DGKB: variants seen among roughly 807,000 people sequenced by gnomAD.
DGKB encodes 90 kDa diacylglycerol kinase.
A neutral mutation model predicts 114.3 loss-of-function variants in DGKB; 67 were observed. The observed-to-expected ratio is 0.59, with a 90% CI of 0.48 to 0.72. DGKB has a LOEUF of 0.72. Among genes scored for constraint, DGKB ranks in the 30% least tolerant of loss-of-function variants. The probability of loss-of-function intolerance (pLI) is 0.00; values close to 1 mark genes in which losing one functional copy is unlikely to be tolerated. For missense variants in DGKB, 907 were observed against 975.2 expected, an observed-to-expected ratio of 0.93 and a Z score of 0.93; for synonymous variants, 398 against 323.1, an observed-to-expected ratio of 1.23 and a Z score of -2.49.
At chr7:14,467,182 AATT>A (rs1780604817) in intron 21 of DGKB, among the ~76,000 whole-genome samples, 1 of 149,400 alleles carries the variant, frequency 6.7e-6, no homozygotes, top group African/African-American at 2.4e-5. Flanking sequence ...TTATTTATAT[AATT>A]ATTTTATTAC....
At chr7:14,187,841 C>T (rs1783675567) in intron 23 of DGKB, among the ~76,000 whole-genome samples, 2 of 152,014 alleles carry the variant, frequency 1.3e-5, no homozygotes, top group South Asian at 2.1e-4. Context: ...TCTCCAGTAA[C>T]AGACTCCCAA....
At chr7:14,245,473 T>C (rs1465130340) in intron 23 of DGKB, among the ~76,000 whole-genome samples, 1 of 152,172 alleles carries the variant, frequency 6.6e-6, no homozygotes, top group Non-Finnish European at 1.5e-5. Context: ...AGGTAGATTC[T>C]AGCCAAGAGG....
chr7:14,839,821 A>ATTTTTTTT lies in DGKB; in HGVS notation c.70+1372_70+1373insAAAAAAAA, dbSNP rs763491314. On this transcript the variant is annotated intron_variant, in intron 2 of 25. Transcript: ENST00000402815. The stretch of plus-strand genomic sequence containing the variant: ...ATTATTATTGACTCAGTCAATAGTC[A>ATTTTTTTT]TAGACTTTTTTTAGTTTTTTAAAAT... Among the ~76,000 whole-genome samples, 657 of 152,218 alleles carry ATTTTTTTT rather than the reference A, an allele frequency of 4.3e-3. 4 individuals carry two copies. Among genetic ancestry groups the ATTTTTTTT allele is most frequent in the Non-Finnish European group, 6.2e-3 (420 of 68,010 alleles).
In DGKB at chr7:14,496,513, A is replaced by G. The variant is rs543285306; in HGVS notation, c.1771-18288T>C. 2.0e-5 allele frequency among the ~76,000 whole-genome samples: 3 copies of G among 150,716 alleles called. No homozygotes were observed. In the East Asian group the frequency reaches 6.4e-4, roughly 32 times the overall value. ...CAAAAGCAACATTTTCATCAAAATA[A>G]CCTGCAAAGTCATTTTCAGAATATT... On this transcript the variant is annotated intron_variant, in intron 20 of 25. Coordinates refer to ENST00000402815, the MANE Select transcript of DGKB (RefSeq NM_001350709.2).
At chr7:14,293,875 C>G (rs547332357) in intron 23 of DGKB, among the ~76,000 whole-genome samples, 2 of 152,278 alleles carry the variant, frequency 1.3e-5, no homozygotes, top group East Asian at 3.9e-4. Context: ...TTTGTACAGT[C>G]TGATTTTCTT....
At chr7:14,278,626 G>C (rs1799387264) in intron 23 of DGKB, among the ~76,000 whole-genome samples, 1 of 152,132 alleles carries the variant, frequency 6.6e-6, no homozygotes, top group Non-Finnish European at 1.5e-5. Context: ...TCAACAAAAA[G>C]TAGACAAATG....
Position 14,497,221 on chromosome 7 carries a change from A to C in DGKB, c.1771-18996T>G, listed in dbSNP as rs566453675. ...AGAAAGGGGGAAAAGGAATGAAAAA[A>C]TGCCTATTGCATATGATGTAAACTA... On this transcript the variant is annotated intron_variant, in intron 20 of 25. Coordinates refer to ENST00000402815, the MANE Select transcript of DGKB (RefSeq NM_001350709.2). Among the ~76,000 whole-genome samples the C allele has an allele frequency of 7.8e-4, 118 of 151,868 alleles. 3 individuals carry two copies. Among genetic ancestry groups the C allele is most frequent in the Non-Finnish European group, 8.0e-4 (54 of 67,798 alleles).
intron 2 of DGKB, among the ~76,000 whole-genome samples, chr7:14,834,628 T>C (rs1477680209): frequency 6.6e-6 from 1 of 152,126 alleles, no homozygotes; most frequent in Non-Finnish European, 1.5e-5. Flanking sequence ...GTAGACAATG[T>C]GAGATGAAAC....
intron 6 of DGKB, among the ~76,000 whole-genome samples, chr7:14,712,693 G>C (rs1039251151): frequency 6.6e-6 from 1 of 151,104 alleles, no homozygotes; most frequent in Admixed American, 6.6e-5. Context: ...TAAATAAATA[G>C]AAAGAAAAAT....
intron 9 of DGKB, 64 bp downstream of exon 9, chr7:14,694,011 A>T: frequency 6.6e-7 from 1 of 1,521,622 alleles, no homozygotes; most frequent in Non-Finnish European, 8.8e-7. Flanking sequence ...TCTGTAATCA[A>T]AATGTGTAAT....
intron 17 of DGKB, among the ~76,000 whole-genome samples, chr7:14,593,125 G>C (rs1466635561): frequency 6.6e-6 from 1 of 151,778 alleles, no homozygotes; most frequent in Non-Finnish European, 1.5e-5. Context: ...ATATTCCAGT[G>C]GGCCATTAAT....
At chr7:14,805,162 T>A (rs1842643013) in intron 2 of DGKB, among the ~76,000 whole-genome samples, 1 of 152,102 alleles carries the variant, frequency 6.6e-6, no homozygotes, top group African/African-American at 2.4e-5. Context: ...ACAAAATTTA[T>A]GTTAGTGAAT....
chr7:14,570,137 T>G (rs1051048035), intron 20 of DGKB, among the ~76,000 whole-genome samples: 2 of 151,410 alleles, frequency 1.3e-5, no homozygotes, highest in Non-Finnish European at 3.0e-5. Flanking sequence ...TATTACTTTT[T>G]TAAATTTTTT....
chr7:14,794,539 C>T (rs1207621726), intron 2 of DGKB, among the ~76,000 whole-genome samples: 2 of 152,074 alleles, frequency 1.3e-5, no homozygotes, highest in Admixed American at 1.3e-4. Context: ...GATTTGAATT[C>T]CCAGCTCAAG....
At chr7:14,171,598 G>C (rs1781006242) in intron 25 of DGKB, among the ~76,000 whole-genome samples, 1 of 152,124 alleles carries the variant, frequency 6.6e-6, no homozygotes, top group Non-Finnish European at 1.5e-5. Context: ...TAAATCTTTT[G>C]AGATTGAGAA....
Position 14,320,892 on chromosome 7 carries a change from A to G in DGKB, c.2122+17623T>C, listed in dbSNP as rs1169330460. On this transcript the variant is annotated intron_variant, in intron 23 of 25. Transcript: ENST00000402815. ...GACCATTCTCATGAACATAGATGCA[A>G]AATTTTAAATGTAATATTAATAAAT... Among the ~76,000 whole-genome samples, 3 of 152,152 alleles carry G rather than the reference A, an allele frequency of 2.0e-5. No individual in the cohort carries two copies. The East Asian group carries it at 5.8e-4, about 29-fold the overall frequency.
intron 20 of DGKB, among the ~76,000 whole-genome samples, chr7:14,515,637 A>G (rs181055074): frequency 1.9e-4 from 29 of 152,356 alleles, no homozygotes; most frequent in Admixed American, 5.9e-4. Context: ...TAAGTGTTCA[A>G]TACCAAAGTA....
chr7:14,272,142 T>A (rs1375975158), intron 23 of DGKB, among the ~76,000 whole-genome samples: 1 of 152,232 alleles, frequency 6.6e-6, no homozygotes, highest in African/African-American at 2.4e-5. Context: ...CACTTCATGC[T>A]AACCAACTGT....
At chr7:14,850,280 G>C (rs1586904510) in intron 1 of DGKB, among the ~76,000 whole-genome samples, 1 of 152,180 alleles carries the variant, frequency 6.6e-6, no homozygotes, top group African/African-American at 2.4e-5. Context: ...TGGAGAGTAT[G>C]ATTGTGAGAA....
Sources: gnomAD v4.1 joint callset for allele counts (sites outside exome capture counted in the v4.1 genomes callset) on GRCh38, gnomAD v4.1.1 for gene constraint, MANE v1.5 for transcripts, NCBI Gene and HGNC (gene_info 2026-07-23, HGNC 2026-07-21) for gene names.